The following ARL15 variants were observed in gnomAD, a reference collection of about 807,000 sequenced individuals.
The protein encoded by ARL15 is ADP-ribosylation factor-like protein 15.
Under a neutral mutation model 25.2 loss-of-function variants are expected in ARL15, and 19 were observed. The ratio of observed to expected loss-of-function variants is 0.75; its 90% CI spans 0.53 to 1.10. The LOEUF (loss-of-function observed/expected upper bound fraction) is 1.10, where lower values mean the gene tolerates loss of function less well. ARL15 is among the 50% of genes least tolerant of loss of function. The pLI is 0.00. For synonymous variants in ARL15, 94 were observed against 86.8 expected, an observed-to-expected ratio of 1.08 and a Z score of -0.46; for missense variants, 220 against 246.0, an observed-to-expected ratio of 0.89 and a Z score of 0.71.
chr5:54,045,155 C>T (rs1369863676), intron 4 of ARL15, among the ~76,000 whole-genome samples: 2 of 152,150 alleles, frequency 1.3e-5, no homozygotes, highest in African/African-American at 2.4e-5. Context: ...CTCCTACCCC[C>T]AATACCAGTA....
intron 4 of ARL15, among the ~76,000 whole-genome samples, chr5:54,078,293 C>A (rs1751676163): frequency 6.6e-6 from 1 of 152,156 alleles, no homozygotes; most frequent in South Asian, 2.1e-4. Context: ...ACTCCACAGG[C>A]TGGTCTGAAT....
At position 54,163,354 on chromosome 5, in the gene ARL15, AGC is replaced by A. The variant is rs1330912215; in HGVS notation, c.193+8428_193+8429del. ...GTGTCCATGAGGGCTATTGGTATGA[AGC>A]TTTTTTTTTTTTTTTTTTTTTTTTT... On this transcript the variant is annotated intron_variant, in intron 2 of 4. Coordinates refer to ENST00000504924, the MANE Select transcript of ARL15 (RefSeq NM_019087.3). Among the ~76,000 whole-genome samples, 369 of 63,076 alleles carry A rather than the reference AGC, an allele frequency of 5.9e-3. 14 individuals are homozygous for A. In the East Asian group the frequency reaches 0.1, roughly 18 times the overall value. 41.4% of individuals were successfully genotyped at this position (63,076 alleles called of 152,430 possible).
chr5:53,977,129 C>T lies in ARL15; in HGVS notation c.463-90416G>A, dbSNP rs62372399. On this transcript the variant is annotated intron_variant, in intron 4 of 4. Coordinates refer to ENST00000504924, the MANE Select transcript of ARL15 (RefSeq NM_019087.3). Reference sequence around the variant, plus strand: ...ATCCCAGCACTTTGGGAGGCCGAGGCGGGCGGATCACAAGGTCAGGAGATC... The same window carrying T: ...ATCCCAGCACTTTGGGAGGCCGAGGTGGGCGGATCACAAGGTCAGGAGATC... 2.4e-4 allele frequency among the ~76,000 whole-genome samples: 36 copies of T among 152,118 alleles called. 3 individuals are homozygous for T. In the South Asian group the frequency reaches 7.1e-3, roughly 30 times the overall value.
intron 4 of ARL15, among the ~76,000 whole-genome samples, chr5:53,933,320 C>A (rs910069087): frequency 8.5e-5 from 13 of 152,140 alleles, no homozygotes; most frequent in African/African-American, 3.1e-4. Flanking sequence ...CAGATCTCAA[C>A]CACCAGTAGA....
At chr5:54,307,763 G>C (rs35942) in intron 1 of ARL15, 130,691 of 152,204 alleles carry the variant, frequency 0.86, 56,350 homozygotes, top group African/African-American at 0.93. Flanking sequence ...ATGAACAATA[G>C]ATACATACAC....
At chr5:53,991,313 A>G (rs1231787661) in intron 4 of ARL15, among the ~76,000 whole-genome samples, 1 of 152,050 alleles carries the variant, frequency 6.6e-6, no homozygotes. Flanking sequence ...AGGCCGAGGC[A>G]GGCAGATCAC....
chr5:54,020,305 C>T (rs374927033), intron 4 of ARL15, among the ~76,000 whole-genome samples: 5 of 152,178 alleles, frequency 3.3e-5, no homozygotes, highest in African/African-American at 1.2e-4. Flanking sequence ...CCTTGCAGTA[C>T]CAAGGCCACC....
intron 3 of ARL15, 52 bp from the exon 4 acceptor site, chr5:54,113,462 A>G: frequency 6.5e-7 from 1 of 1,549,312 alleles, no homozygotes; most frequent in Non-Finnish European, 8.8e-7. Flanking sequence ...CAGCAACTGA[A>G]AAATGTTCCC....
chr5:54,178,548 A>G (rs1754954269), intron 1 of ARL15, among the ~76,000 whole-genome samples: 1 of 152,224 alleles, frequency 6.6e-6, no homozygotes, highest in Non-Finnish European at 1.5e-5. Context: ...ATGAGTTAGT[A>G]CCTAAAGGGA....
intron 4 of ARL15, among the ~76,000 whole-genome samples, chr5:54,021,804 T>C (rs1749612143): frequency 6.6e-6 from 1 of 152,128 alleles, no homozygotes; most frequent in Non-Finnish European, 1.5e-5. Flanking sequence ...ACCTCAAACA[T>C]TTGAAAAACC....
At chr5:54,108,721 C>T (rs999069921) in intron 4 of ARL15, among the ~76,000 whole-genome samples, 2 of 151,792 alleles carry the variant, frequency 1.3e-5, no homozygotes, top group African/African-American at 2.4e-5. Context: ...ACAGATTGCC[C>T]AAGAATTTCA....
intron 4 of ARL15, among the ~76,000 whole-genome samples, chr5:53,954,168 A>C (rs1321562921): frequency 6.6e-6 from 1 of 151,970 alleles, no homozygotes; most frequent in South Asian, 2.1e-4. Flanking sequence ...GAATTATCCT[A>C]ATGTTTGGGA....
intron 4 of ARL15, among the ~76,000 whole-genome samples, chr5:53,929,359 C>G (rs1248539216): frequency 2.6e-5 from 4 of 152,088 alleles, no homozygotes; most frequent in Admixed American, 2.0e-4. Context: ...AAAAGTACAA[C>G]CCGAATATGC....
intron 1 of ARL15, among the ~76,000 whole-genome samples, chr5:54,218,779 G>T (rs1259929184): frequency 6.6e-6 from 1 of 152,106 alleles, no homozygotes; most frequent in African/African-American, 2.4e-5. Flanking sequence ...CTTTACACAA[G>T]TTCTATCAGT....
At chr5:54,082,014 C>A (rs1360840743) in intron 4 of ARL15, among the ~76,000 whole-genome samples, 1 of 147,774 alleles carries the variant, frequency 6.8e-6, no homozygotes. Context: ...CTGCTTGAAC[C>A]CAGGAGGCGG....
chr5:54,111,392 G>A (rs868543481), intron 4 of ARL15, among the ~76,000 whole-genome samples: 4 of 151,990 alleles, frequency 2.6e-5, no homozygotes, highest in Non-Finnish European at 5.9e-5. Flanking sequence ...CTTTACCTAG[G>A]AAAGACAGCC....
intron 3 of ARL15, among the ~76,000 whole-genome samples, chr5:54,144,110 AAT>A (rs1753842657): frequency 4.6e-5 from 7 of 152,004 alleles, no homozygotes; most frequent in Non-Finnish European, 7.4e-5. Flanking sequence ...GAGAAATCGT[AAT>A]TAATAGTTTA....
chr5:54,121,957 A>G (rs373653252), intron 3 of ARL15, among the ~76,000 whole-genome samples: 29 of 152,322 alleles, frequency 1.9e-4, no homozygotes, highest in African/African-American at 7.0e-4. Context: ...TTTGTCCACC[A>G]TTTAAGCCTA....
chr5:54,191,737 C>T (rs531245758), intron 1 of ARL15, among the ~76,000 whole-genome samples: 18 of 152,256 alleles, frequency 1.2e-4, no homozygotes, highest in Admixed American at 8.5e-4. Flanking sequence ...CCTTACCACC[C>T]CAATCTCTTG....
Sources: allele counts gnomAD v4.1 joint callset (sites outside exome capture counted in the v4.1 genomes callset), GRCh38; gene constraint gnomAD v4.1.1; transcripts MANE v1.5; gene names NCBI Gene and HGNC (gene_info 2026-07-23, HGNC 2026-07-21).